Variants in GRIA4 observed in about 807,000 individuals in gnomAD.
GRIA4 encodes the protein glutamate ionotropic receptor AMPA type subunit 4, also known as glutamate receptor 4.
In GRIA4, 34 loss-of-function variants were observed where a neutral mutation model predicts 104.0. The ratio of observed to expected loss-of-function variants is 0.33; its 90% CI spans 0.25 to 0.44. The LOEUF is 0.44. Among genes scored for constraint, GRIA4 ranks in the 20% least tolerant of loss-of-function variants. The pLI, the probability that GRIA4 is intolerant of heterozygous loss-of-function variation, is 1.00. For synonymous variants in GRIA4, 386 were observed against 381.9 expected, an observed-to-expected ratio of 1.01 and a Z score of -0.13; for missense variants, 750 against 1,096.5, an observed-to-expected ratio of 0.68 and a Z score of 4.46.
At chr11:105,782,630 T>C (rs1011043865) in intron 4 of GRIA4, among the ~76,000 whole-genome samples, 21 of 152,190 alleles carry the variant, frequency 1.4e-4, no homozygotes, top group Non-Finnish European at 4.4e-5. Flanking sequence ...ATTTCTCAAG[T>C]GTGAGAAACA....
chr11:105,881,489 A>G (rs1946056911), intron 5 of GRIA4, among the ~76,000 whole-genome samples: 1 of 152,160 alleles, frequency 6.6e-6, no homozygotes, highest in Non-Finnish European at 1.5e-5. Context: ...GGACTCTGTC[A>G]CCCAAAGGAC....
intron 3 of GRIA4, among the ~76,000 whole-genome samples, chr11:105,653,164 G>A (rs1951732506): frequency 6.6e-6 from 1 of 152,198 alleles, no homozygotes; most frequent in Non-Finnish European, 1.5e-5. Context: ...GCCCGCCTCG[G>A]CCTCCCAAAG....
chr11:105,693,393 C>G (rs1953156677), intron 3 of GRIA4, among the ~76,000 whole-genome samples: 1 of 152,064 alleles, frequency 6.6e-6, no homozygotes, highest in Non-Finnish European at 1.5e-5. Flanking sequence ...TTTTAAAAAT[C>G]TCTAGCAGTG....
chr11:105,959,773 G>C (rs1216414363), intron 14 of GRIA4, among the ~76,000 whole-genome samples: 2 of 152,164 alleles, frequency 1.3e-5, no homozygotes, highest in Non-Finnish European at 1.5e-5. Context: ...GCTGACCCTT[G>C]GATGGGGTGT....
intron 4 of GRIA4, among the ~76,000 whole-genome samples, chr11:105,858,078 A>G (rs976534380): frequency 3.9e-5 from 6 of 152,192 alleles, no homozygotes; most frequent in Non-Finnish European, 5.9e-5. Flanking sequence ...TTTATGTGAT[A>G]TCATAACACT....
chr11:105,689,134 G>A (rs1402066254), intron 3 of GRIA4, among the ~76,000 whole-genome samples: 1 of 152,096 alleles, frequency 6.6e-6, no homozygotes, highest in Non-Finnish European at 1.5e-5. Flanking sequence ...TATATTTTAT[G>A]AGGAAAATGT....
At chr11:105,961,436 G>C (rs553534384) in intron 14 of GRIA4, among the ~76,000 whole-genome samples, 37 of 152,160 alleles carry the variant, frequency 2.4e-4, no homozygotes, top group African/African-American at 8.4e-4. Flanking sequence ...TAAGGACTAT[G>C]AAAAAACCTC....
At chr11:105,793,758 C>A (rs1023732216) in intron 4 of GRIA4, among the ~76,000 whole-genome samples, 16 of 152,170 alleles carry the variant, frequency 1.1e-4, no homozygotes, top group Admixed American at 6.6e-4. Flanking sequence ...AATACACAGG[C>A]AGAGAATGTC....
chr11:105,737,744 C>A (rs1939044641), intron 3 of GRIA4, among the ~76,000 whole-genome samples: 1 of 152,064 alleles, frequency 6.6e-6, no homozygotes, highest in Non-Finnish European at 1.5e-5. Flanking sequence ...GGAAGAAGTA[C>A]TTAGCCAGTG....
intron 3 of GRIA4, among the ~76,000 whole-genome samples, chr11:105,616,921 G>C (rs1202332345): frequency 1.3e-5 from 2 of 151,246 alleles, no homozygotes; most frequent in African/African-American, 4.8e-5. Flanking sequence ...AAAGATATGA[G>C]TCATATTCTT....
chr11:105,630,189 A>G (rs1950996773), intron 3 of GRIA4, among the ~76,000 whole-genome samples: 1 of 152,152 alleles, frequency 6.6e-6, no homozygotes, highest in Non-Finnish European at 1.5e-5. Flanking sequence ...CCCACATTGA[A>G]TGACTGGAAT....
At chr11:105,945,068 AC>A (rs1591473928) in intron 14 of GRIA4, among the ~76,000 whole-genome samples, 1 of 152,154 alleles carries the variant, frequency 6.6e-6, no homozygotes, top group East Asian at 1.9e-4. Flanking sequence ...CTCTCAAAAA[AC>A]AAAAGAAGGT....
intron 3 of GRIA4, chr11:105,612,645 T>G: frequency 2.0e-6 from 1 of 506,272 alleles, no homozygotes; most frequent in Non-Finnish European, 3.4e-6. Flanking sequence ...TTTCTTTTCT[T>G]TCTTCTCCTC....
At chr11:105,888,906 GT>G (rs1468514820) in intron 6 of GRIA4, among the ~76,000 whole-genome samples, 3 of 152,008 alleles carry the variant, frequency 2.0e-5, no homozygotes, top group African/African-American at 7.2e-5. Context: ...TTAGTAGGCT[GT>G]TTTAGTAGAG....
At chr11:105,944,906 C>T (rs1030279737) in intron 14 of GRIA4, among the ~76,000 whole-genome samples, 13 of 152,154 alleles carry the variant, frequency 8.5e-5, no homozygotes, top group African/African-American at 3.1e-4. Context: ...AATACAAGCA[C>T]ATAGTGTCTG....
At position 105,636,786 on chromosome 11, in the gene GRIA4, A is replaced by G. The variant is rs145105683; in HGVS notation, c.247+24352A>G. Among the ~76,000 whole-genome samples, 6 of 152,312 alleles carry G rather than the reference A, an allele frequency of 3.9e-5. No homozygotes were observed. In the South Asian group the frequency reaches 1.0e-3, roughly 26 times the overall value. On this transcript the variant is annotated intron_variant, in intron 3 of 16. Transcript: ENST00000282499. ...TGGCATGGAGTGACAGTGTCCCTCA[A>G]CAGCGAACCAATTCAAATAAACCAC...
chr11:105,838,251 G>A (rs1044655666), intron 4 of GRIA4, among the ~76,000 whole-genome samples: 2 of 152,046 alleles, frequency 1.3e-5, no homozygotes, highest in African/African-American at 4.8e-5. Flanking sequence ...CAAATTAAGC[G>A]GTAACATCAG....
intron 10 of GRIA4, chr11:105,912,492 TA>T: frequency 2.6e-6 from 2 of 769,936 alleles, no homozygotes; most frequent in Non-Finnish European, 3.1e-6. Flanking sequence ...AAAAAAAGAC[TA>T]AAAATGACTG....
chr11:105,953,087 G>T (rs921914810), intron 14 of GRIA4, among the ~76,000 whole-genome samples: 5 of 152,202 alleles, frequency 3.3e-5, no homozygotes, highest in Non-Finnish European at 7.3e-5. Context: ...TAATAACACA[G>T]CTACAAGTTA....
Sources: allele counts gnomAD v4.1 joint callset (sites outside exome capture counted in the v4.1 genomes callset), GRCh38; gene constraint gnomAD v4.1.1; transcripts MANE v1.5; gene names NCBI Gene and HGNC (gene_info 2026-07-23, HGNC 2026-07-21).